Variants in FAM149A observed in about 807,000 individuals in gnomAD.
FAM149A encodes family with sequence similarity 149 member A, also known as protein FAM149A.
FAM149A carries 71 observed loss-of-function variants against 78.2 expected under a neutral mutation model. That is an observed-to-expected ratio of 0.91 (90% confidence interval 0.75 to 1.11). The LOEUF (loss-of-function observed/expected upper bound fraction) is 1.11, where lower values mean the gene tolerates loss of function less well. FAM149A is among the 50% of genes least tolerant of loss of function. The pLI is 0.00. For synonymous variants in FAM149A, 446 were observed against 410.5 expected (o/e 1.09, Z -1.04); for missense variants, 1,036 against 971.0 (o/e 1.07, Z -0.89).
chr4:186,149,813 ATACATACATG>A (rs1045304981), intron 3 of FAM149A, 109 bp downstream of exon 3: 1 of 681,086 alleles, frequency 1.5e-6, no homozygotes, highest in African/African-American at 1.9e-5. Flanking sequence ...GACCTATTGC[ATACATACATG>A]TACATACATG....
intron 1 of FAM149A, chr4:186,124,175 C>CAA: frequency 1.0e-6 from 1 of 985,154 alleles, no homozygotes; most frequent in Non-Finnish European, 1.2e-6. Flanking sequence ...GTAGGAAATG[C>CAA]AAAGGCACTA....
chr4:186,169,677 C>T, intron 13 of FAM149A: 1 of 985,372 alleles, frequency 1.0e-6, no homozygotes, highest in Non-Finnish European at 1.2e-6. Flanking sequence ...GCATATCACT[C>T]ACTGCTTTCT....
At position 186,149,181 on chromosome 4, in the gene FAM149A, T is replaced by C. The variant is rs1279333358; in HGVS notation, c.575T>C (p.Leu192Pro). ...TTTTATTTTATTTCCAGAAGAGGACTGTCAGAAGGACGTAGAAGGCACGGT... is the reference window on the plus strand; with the variant it reads ...TTTTATTTTATTTCCAGAAGAGGACCGTCAGAAGGACGTAGAAGGCACGGT... The change falls in exon 2 of 14, where the codon CTG becomes CCG. Residue 192 changes from leucine (L) to proline (P), a missense_variant. Coordinates refer to ENST00000389354, the MANE Select transcript of FAM149A (RefSeq NM_001367768.3). 2.3e-6 allele frequency: 3 copies of C among 1,284,664 alleles called. No individual in the cohort carries two copies. The East Asian group carries it at 1.7e-4, about 72-fold the overall frequency. The allele number at this position is 1,284,664 out of a possible 1,614,324, so 79.6% of individuals were successfully genotyped here.
chr4:186,129,361 T>A (rs1440855098), intron 1 of FAM149A, among the ~76,000 whole-genome samples: 1 of 152,126 alleles, frequency 6.6e-6, no homozygotes, highest in Non-Finnish European at 1.5e-5. Flanking sequence ...CCTTTCCCCA[T>A]AAGGAATTCA....
chr4:186,128,535 T>G lies in FAM149A; in HGVS notation c.567-20638T>G, dbSNP rs1311332331. On this transcript the variant is annotated intron_variant, in intron 1 of 13. Transcript: ENST00000389354. ...TGGAACACCTTAGCTCACGATGCTT[T>G]CTTTCTTCCTTATAAGGACATGTCT... Among the ~76,000 whole-genome samples, 4 of 152,092 alleles carry G rather than the reference T, an allele frequency of 2.6e-5. No individual in the cohort carries two copies. In the East Asian group the frequency reaches 7.7e-4, roughly 29 times the overall value.
rs565444047 is a variant in FAM149A at position 186,148,188 on chromosome 4, G to A, written c.567-985G>A. Reference sequence around the variant, plus strand: ...CTAAAAATACAAAAATTAGCTGGGCGTGGTGGCAGGCGCCTGTAATCCCAG... The same window carrying A: ...CTAAAAATACAAAAATTAGCTGGGCATGGTGGCAGGCGCCTGTAATCCCAG... On this transcript the variant is annotated intron_variant, in intron 1 of 13. Transcript: ENST00000389354. Among the ~76,000 whole-genome samples, 189 of 152,310 alleles carry A rather than the reference G, an allele frequency of 1.2e-3. 1 individual carries two copies. The highest frequency in any genetic ancestry group is 4.2e-3 in the African/African-American group (174 of 41,570).
At chr4:186,124,820 A>G (rs1206498477) in intron 1 of FAM149A, among the ~76,000 whole-genome samples, 3 of 152,118 alleles carry the variant, frequency 2.0e-5, no homozygotes, top group African/African-American at 7.2e-5. Flanking sequence ...CTAGTTCTAG[A>G]TCCTTGAGGA....
chr4:186,109,267 T>C (rs2099310234), intron 1 of FAM149A: 1 of 884,506 alleles, frequency 1.1e-6, no homozygotes, highest in African/African-American at 1.8e-5. Flanking sequence ...AGGAAGTATT[T>C]ATAGCTTGTA....
Position 186,155,980 on chromosome 4 carries a change from G to A in FAM149A, c.1230-20G>A, listed in dbSNP as rs1734007314. 18 of 1,601,676 alleles carry A rather than the reference G, an allele frequency of 1.1e-5. No homozygotes were observed. Among genetic ancestry groups the A allele is most frequent in the Non-Finnish European group, 1.5e-5 (18 of 1,173,292 alleles). ...CTAAGCATTGATCTTTTAGTAATTGGAGTGGGTTTTTATTCTTAGTGATGA... is the reference window on the plus strand; with the variant it reads ...CTAAGCATTGATCTTTTAGTAATTGAAGTGGGTTTTTATTCTTAGTGATGA... On this transcript the variant is annotated intron_variant, in intron 6 of 13. Coordinates refer to ENST00000389354, the MANE Select transcript of FAM149A (RefSeq NM_001367768.3).
At chr4:186,167,136 A>G (rs1735111321) in intron 12 of FAM149A, 40 bp downstream of exon 12, 1 of 1,602,142 alleles carries the variant, frequency 6.2e-7, no homozygotes, top group Non-Finnish European at 8.5e-7. Context: ...TTTGAAAAAC[A>G]TTTGAAAAAA....
chr4:186,123,100 C>T (rs2099316786), intron 1 of FAM149A: 2 of 393,060 alleles, frequency 5.1e-6, no homozygotes, highest in African/African-American at 4.4e-5. Flanking sequence ...TACTTTCATT[C>T]ATAGGCCATG....
Position 186,164,021 on chromosome 4 carries a change from C to T in FAM149A, c.1889+388C>T, listed in dbSNP as rs537984343. On this transcript the variant is annotated intron_variant, in intron 10 of 13. Coordinates refer to ENST00000389354, the MANE Select transcript of FAM149A (RefSeq NM_001367768.3). This position sits in a 1 kb window ranked among gnomAD's most constrained non-coding sequence, Gnocchi z 4.0. ...AAAAATAAAAGGACTGTGTCCCTAT[C>T]GGATTATCTTTAAGGATGCATTTTT... Among the ~76,000 whole-genome samples the T allele has an allele frequency of 3.9e-5, 6 of 152,276 alleles. No homozygotes were observed. The highest frequency in any genetic ancestry group is 1.2e-4 in the African/African-American group (5 of 41,556).
Position 186,174,444 on chromosome 4 carries a change from A to C in FAM149A, c.*2457A>C, listed in dbSNP as rs1402771857. 6.3e-5 allele frequency among the ~76,000 whole-genome samples: 7 copies of C among 111,912 alleles called. 1 individual carries two copies. Among genetic ancestry groups the C allele is most frequent in the African/African-American group, 2.0e-4 (7 of 35,614 alleles). 73.4% of individuals were successfully genotyped at this position (111,912 alleles called of 152,430 possible). On this transcript the variant is annotated 3_prime_UTR_variant, in exon 14 of 14. Transcript: ENST00000389354. ...TTTTTATGAGCTCAAGCTTCGTAGT[A>C]GGGAAAACACCGGATATTCAGTCTA...
chr4:186,128,781 CTGTG>C (rs1055174576), intron 1 of FAM149A, among the ~76,000 whole-genome samples: 20 of 152,092 alleles, frequency 1.3e-4, no homozygotes, highest in African/African-American at 4.8e-4. Context: ...CATTGTATGT[CTGTG>C]TGTGTACATA....
chr4:186,111,388 T>C (rs1223357224), intron 1 of FAM149A, among the ~76,000 whole-genome samples: 2 of 151,608 alleles, frequency 1.3e-5, no homozygotes, highest in African/African-American at 4.8e-5. Flanking sequence ...GTGCAGAAGC[T>C]CTTTAGTTTA....
In FAM149A at chr4:186,154,511, G is replaced by A; in HGVS notation, c.1102G>A (p.Ala368Thr). Residue 368 changes from alanine (A) to threonine (T), a missense_variant, in exon 6 of 14, where the codon GCC (alanine) becomes ACC (threonine). Physicochemically the swap from Ala to Thr is moderately conservative, Grantham distance 58 (BLOSUM62 0). Around this residue, in one of 3 missense-constraint regions of FAM149A, gnomAD observed 716 missense variants for 711.8 expected, o/e 1.01. Coordinates refer to ENST00000389354, the MANE Select transcript of FAM149A (RefSeq NM_001367768.3). The stretch of plus-strand genomic sequence containing the variant: ...TCAAATAGTCCCAGCAGCACTCTCA[G>A]CCTCTGCCCTGCCAGGCCCTGATGA... 6.2e-7 allele frequency: 1 copy of A among 1,614,080 alleles called. No individual in the cohort carries two copies. The highest frequency in any genetic ancestry group is 8.5e-7 in the Non-Finnish European group (1 of 1,179,998).
At chr4:186,127,224 A>G (rs2099318699) in intron 1 of FAM149A, 1 of 963,592 alleles carries the variant, frequency 1.0e-6, no homozygotes, top group South Asian at 4.8e-5. Context: ...CCAAGGAGGA[A>G]CTATTTTCAC....
At chr4:186,130,862 G>A (rs922811832) in intron 1 of FAM149A, among the ~76,000 whole-genome samples, 3 of 152,136 alleles carry the variant, frequency 2.0e-5, no homozygotes, top group Non-Finnish European at 4.4e-5. Flanking sequence ...ATTTGTACAT[G>A]GATGTTTGGT....
chr4:186,136,313 G>C (rs1246830090), intron 1 of FAM149A, among the ~76,000 whole-genome samples: 1 of 152,002 alleles, frequency 6.6e-6, no homozygotes, highest in African/African-American at 2.4e-5. Flanking sequence ...TTTATACTAA[G>C]TATAGTAAAC....
Sources: gnomAD v4.1 joint callset for allele counts (sites outside exome capture counted in the v4.1 genomes callset) on GRCh38, gnomAD v4.1.1 for gene constraint, gnomAD v4.1.1 regional missense constraint, Gnocchi (gnomAD v3.1) non-coding constraint, MANE v1.5 for transcripts, NCBI Gene and HGNC (gene_info 2026-07-23, HGNC 2026-07-21) for gene names.